The following EIF4G3 variants were observed in gnomAD, a reference collection of about 807,000 sequenced individuals.
EIF4G3 encodes the protein eukaryotic translation initiation factor 4 gamma 3.
A neutral mutation model predicts 186.4 loss-of-function variants in EIF4G3; 34 were observed. The ratio of observed to expected loss-of-function variants is 0.18; its 90% CI spans 0.14 to 0.24. The LOEUF (loss-of-function observed/expected upper bound fraction) is 0.24. EIF4G3 is among the 10% of genes least tolerant of loss of function. The probability of loss-of-function intolerance (pLI) is 1.00; values close to 1 mark genes in which losing one functional copy is unlikely to be tolerated. For missense variants in EIF4G3, 1,536 were observed against 1,948.5 expected (o/e 0.79, Z 3.99); for synonymous variants, 673 against 679.5 (o/e 0.99, Z 0.15).
chr1:21,102,916 T>C (rs1020280636), intron 2 of EIF4G3, among the ~76,000 whole-genome samples: 2 of 152,206 alleles, frequency 1.3e-5, no homozygotes, highest in Non-Finnish European at 2.9e-5. Context: ...ATCACAAATA[T>C]ATTCCATTTC....
At chr1:21,103,900 G>A (rs147288805) in intron 2 of EIF4G3, among the ~76,000 whole-genome samples, 2 of 152,240 alleles carry the variant, frequency 1.3e-5, no homozygotes, top group African/African-American at 4.8e-5. Flanking sequence ...TGTTCGTATA[G>A]CAGTTTGTCC....
chr1:21,172,924 A>T (rs1378800762), intron 2 of EIF4G3, among the ~76,000 whole-genome samples: 1 of 149,442 alleles, frequency 6.7e-6, no homozygotes, highest in African/African-American at 2.4e-5. Context: ...GCGGATCACA[A>T]GGTCAGGAGA....
intron 3 of EIF4G3, among the ~76,000 whole-genome samples, chr1:21,051,594 G>A (rs553727842): frequency 6.6e-6 from 1 of 152,304 alleles, no homozygotes; most frequent in African/African-American, 2.4e-5. Flanking sequence ...GCTTATGCCT[G>A]TAATCCCAGC....
chr1:21,006,832 A>C (rs192340474), intron 4 of EIF4G3, among the ~76,000 whole-genome samples: 2 of 152,368 alleles, frequency 1.3e-5, no homozygotes, highest in East Asian at 3.9e-4. Context: ...ATGTGAAAAA[A>C]TTAATCTGTA....
chr1:20,955,128 C>A (rs1409420439), intron 12 of EIF4G3, among the ~76,000 whole-genome samples: 1 of 152,184 alleles, frequency 6.6e-6, no homozygotes, highest in African/African-American at 2.4e-5. Flanking sequence ...GGCAGACAGG[C>A]CTTACAGGCC....
At chr1:21,083,095 C>T (rs1026413599) in intron 3 of EIF4G3, among the ~76,000 whole-genome samples, 4 of 141,432 alleles carry the variant, frequency 2.8e-5, no homozygotes, top group Admixed American at 7.1e-5. Flanking sequence ...TAGCTGGGCA[C>T]GGTGGCTTGT....
intron 34 of EIF4G3, among the ~76,000 whole-genome samples, chr1:20,814,750 T>TCCCTCTCCCCCCCCCCCCCC (rs1557737589): frequency 4.9e-5 from 1 of 20,500 alleles, no homozygotes; most frequent in Non-Finnish European, 1.1e-4. Flanking sequence ...AAAATTCATC[T>TCCCTCTCCCCCCCCCCCCCC]CCCCCTCCCC....
At chr1:20,892,355 A>G (rs1047411930) in intron 18 of EIF4G3, among the ~76,000 whole-genome samples, 5 of 152,178 alleles carry the variant, frequency 3.3e-5, no homozygotes, top group African/African-American at 1.2e-4. Flanking sequence ...CTGCAAGTCT[A>G]CAAAGCATGG....
At chr1:20,937,720 T>C (rs2095561738) in intron 14 of EIF4G3, among the ~76,000 whole-genome samples, 1 of 152,174 alleles carries the variant, frequency 6.6e-6, no homozygotes, top group Admixed American at 6.6e-5. Flanking sequence ...TTCCTAAAAT[T>C]GTAGAAAACA....
intron 33 of EIF4G3, among the ~76,000 whole-genome samples, chr1:20,822,719 T>TG (rs1322057785): frequency 1.3e-5 from 2 of 151,980 alleles, no homozygotes; most frequent in African/African-American, 4.8e-5. Context: ...CCATTGTGTC[T>TG]GGCCTTATTT....
intron 2 of EIF4G3, among the ~76,000 whole-genome samples, chr1:21,116,894 T>G (rs908754094): frequency 2.6e-5 from 4 of 151,364 alleles, no homozygotes; most frequent in Non-Finnish European, 5.9e-5. Flanking sequence ...CACAAGTATC[T>G]GTTATATTAT....
In EIF4G3 at chr1:21,089,218, A is replaced by C. The variant is rs987343582; in HGVS notation, c.-271-5T>G. The C allele has an allele frequency of 1.4e-6, 1 of 717,048 alleles. No homozygotes were observed. The highest frequency in any genetic ancestry group is 2.6e-6 in the Non-Finnish European group (1 of 384,998). 44.4% of individuals were successfully genotyped at this position (717,048 alleles called of 1,614,324 possible). On this transcript the variant is annotated splice_region_variant and splice_polypyrimidine_tract_variant and intron_variant, in intron 2 of 36. Transcript: ENST00000602326. ...TGCACAGGTCCTCTAGGAATTCTAG[A>C]AGAGCGAGTTAAGGATAAGAGAATT...
chr1:21,018,892 T>C (rs781264343), intron 4 of EIF4G3, among the ~76,000 whole-genome samples: 30 of 151,922 alleles, frequency 2.0e-4, no homozygotes, highest in Non-Finnish European at 3.8e-4. Flanking sequence ...GCTTCTTGTA[T>C]AGCCTACAGA....
At chr1:21,104,439 CAT>C (rs1163924985) in intron 2 of EIF4G3, among the ~76,000 whole-genome samples, 2 of 152,246 alleles carry the variant, frequency 1.3e-5, no homozygotes, top group Non-Finnish European at 2.9e-5. Context: ...CTAAAGAAGA[CAT>C]ATACATGGCC....
chr1:20,918,936 G>C (rs2094212512), intron 14 of EIF4G3, among the ~76,000 whole-genome samples: 1 of 151,814 alleles, frequency 6.6e-6, no homozygotes, highest in Non-Finnish European at 1.5e-5. Context: ...ATGTGTGTTG[G>C]ATTTTCTCCA....
At chr1:21,012,172 TA>T (rs113000469) in intron 4 of EIF4G3, among the ~76,000 whole-genome samples, 7 of 151,778 alleles carry the variant, frequency 4.6e-5, no homozygotes, top group South Asian at 2.1e-4. Flanking sequence ...GTTTTTGTCT[TA>T]AAAAAAAATC....
intron 2 of EIF4G3, among the ~76,000 whole-genome samples, chr1:21,096,010 A>G (rs975508728): frequency 1.2e-4 from 18 of 152,338 alleles, no homozygotes; most frequent in Admixed American, 9.8e-4. Context: ...ATGCTTTAAC[A>G]GTGTTTTCTA....
intron 2 of EIF4G3, among the ~76,000 whole-genome samples, chr1:21,118,991 T>C (rs985229555): frequency 2.1e-5 from 3 of 143,580 alleles, no homozygotes; most frequent in Admixed American, 2.1e-4. Flanking sequence ...AAAATACATA[T>C]ATATGAAGTT....
chr1:21,158,435 C>T (rs2097700797), intron 2 of EIF4G3, among the ~76,000 whole-genome samples: 1 of 152,028 alleles, frequency 6.6e-6, no homozygotes, highest in Admixed American at 6.6e-5. Context: ...CTTGGCCTCT[C>T]AAAGTGTTAG....
Sources: allele counts gnomAD v4.1 joint callset (sites outside exome capture counted in the v4.1 genomes callset), GRCh38; gene constraint gnomAD v4.1.1; transcripts MANE v1.5; gene names NCBI Gene and HGNC (gene_info 2026-07-23, HGNC 2026-07-21).